Variants in FHOD3 observed in about 807,000 individuals in gnomAD.
FHOD3 encodes FH1/FH2 domain-containing protein 3.
A neutral mutation model predicts 173.0 loss-of-function variants in FHOD3; 90 were observed. The ratio of observed to expected loss-of-function variants is 0.52; its 90% CI spans 0.44 to 0.62. The LOEUF is 0.62. Among genes scored for constraint, FHOD3 ranks in the 20% least tolerant of loss-of-function variants. The pLI is 0.00. For missense variants in FHOD3, 1,945 were observed against 2,034.7 expected (o/e 0.96, Z 0.85); for synonymous variants, 828 against 823.0 (o/e 1.01, Z -0.10).
intron 17 of FHOD3, among the ~76,000 whole-genome samples, chr18:36,708,097 T>A (rs28578323): frequency 0.18 from 27,505 of 152,118 alleles, 2,666 homozygotes; most frequent in African/African-American, 0.23. Context: ...AAAAAAATTT[T>A]AAAAAAGCAT....
chr18:36,649,166 A>G, intron 10 of FHOD3, 150 bp from the exon 11 acceptor site: 2 of 590,024 alleles, frequency 3.4e-6, no homozygotes, highest in Admixed American at 3.2e-5. Flanking sequence ...TCTTCATTTC[A>G]GCCAGCTGGG....
At chr18:36,591,973 C>T (rs2059233069) in intron 6 of FHOD3, among the ~76,000 whole-genome samples, 1 of 152,150 alleles carries the variant, frequency 6.6e-6, no homozygotes. Flanking sequence ...AATCCCAGCA[C>T]TTTGAGAGGC....
chr18:36,329,519 C>T (rs1356321030), intron 1 of FHOD3, among the ~76,000 whole-genome samples: 2 of 152,126 alleles, frequency 1.3e-5, no homozygotes, highest in African/African-American at 2.4e-5. Context: ...AAAGGATTCT[C>T]TCAAGATGAT....
At chr18:36,555,187 A>G (rs935669295) in intron 5 of FHOD3, among the ~76,000 whole-genome samples, 1 of 152,090 alleles carries the variant, frequency 6.6e-6, no homozygotes, top group Non-Finnish European at 1.5e-5. Flanking sequence ...ATTTCCTTCT[A>G]GGTACTTCTC....
At chr18:36,440,504 T>C (rs1324467228) in intron 3 of FHOD3, among the ~76,000 whole-genome samples, 1 of 152,220 alleles carries the variant, frequency 6.6e-6, no homozygotes, top group Non-Finnish European at 1.5e-5. Context: ...TCTGCGTTGG[T>C]CAAATGAAGG....
intron 17 of FHOD3, among the ~76,000 whole-genome samples, chr18:36,700,130 C>T (rs2039501595): frequency 6.6e-6 from 1 of 152,142 alleles, no homozygotes; most frequent in South Asian, 2.1e-4. Context: ...CTCTCCAGCT[C>T]CTCTCTATCT....
intron 2 of FHOD3, among the ~76,000 whole-genome samples, chr18:36,364,010 G>A (rs1389532226): frequency 1.3e-5 from 2 of 152,120 alleles, no homozygotes; most frequent in Non-Finnish European, 2.9e-5. Context: ...AGTACAATAT[G>A]TTGATTCCAT....
chr18:36,733,746 CTT>C (rs781107952), intron 20 of FHOD3, among the ~76,000 whole-genome samples: 18 of 152,198 alleles, frequency 1.2e-4, no homozygotes, highest in Non-Finnish European at 2.2e-4. Context: ...CCAAATCTGA[CTT>C]TCATAGGATT....
intron 9 of FHOD3, among the ~76,000 whole-genome samples, chr18:36,619,833 G>C (rs536816338): frequency 6.6e-6 from 1 of 152,328 alleles, no homozygotes; most frequent in African/African-American, 2.4e-5. Context: ...CCAGAAAGAG[G>C]GGCAGCAGCA....
At position 36,657,968 on chromosome 18, in the gene FHOD3, G is replaced by T. The variant is rs552242791; in HGVS notation, c.1722-107G>T. 9.1e-6 allele frequency: 7 copies of T among 773,226 alleles called. No homozygotes were observed. In the African/African-American group the frequency reaches 1.1e-4, roughly 12 times the overall value. 47.9% of individuals were successfully genotyped at this position (773,226 alleles called of 1,614,324 possible). On this transcript the variant is annotated intron_variant, in intron 13 of 28. Coordinates refer to ENST00000590592, the MANE Select transcript of FHOD3 (RefSeq NM_001281740.3). The stretch of plus-strand genomic sequence containing the variant: ...ACCACTAACAGTGGTAGCATTTCCA[G>T]ACCTGTTTCTCTTGCAAAAATTAAA...
intron 3 of FHOD3, among the ~76,000 whole-genome samples, chr18:36,480,529 A>C (rs986271745): frequency 6.6e-6 from 1 of 152,312 alleles, no homozygotes; most frequent in South Asian, 2.1e-4. Context: ...GACATTGACA[A>C]ATATTTTAGT....
intron 2 of FHOD3, among the ~76,000 whole-genome samples, chr18:36,357,045 G>A (rs763054472): frequency 6.6e-6 from 1 of 152,124 alleles, no homozygotes; most frequent in African/African-American, 2.4e-5. Flanking sequence ...ATCTTAATCT[G>A]TTGTCCAGGA....
intron 3 of FHOD3, among the ~76,000 whole-genome samples, chr18:36,384,241 G>A (rs767239332): frequency 8.6e-4 from 131 of 152,164 alleles, no homozygotes; most frequent in Non-Finnish European, 1.6e-3. Flanking sequence ...TTAGCCGGGC[G>A]TGGTGGTGGG....
chr18:36,399,972 C>T (rs1050369981), intron 3 of FHOD3, among the ~76,000 whole-genome samples: 6 of 152,152 alleles, frequency 3.9e-5, no homozygotes, highest in African/African-American at 1.4e-4. Flanking sequence ...CCTTCATTCA[C>T]TGGGTGAAAA....
At chr18:36,425,021 A>C (rs1159888971) in intron 3 of FHOD3, among the ~76,000 whole-genome samples, 1 of 152,234 alleles carries the variant, frequency 6.6e-6, no homozygotes, top group Non-Finnish European at 1.5e-5. Context: ...GATAAGCCAA[A>C]GAGAAGCCAT....
chr18:36,361,894 T>C lies in FHOD3; in HGVS notation c.272+6249T>C, dbSNP rs951584269. On this transcript the variant is annotated intron_variant, in intron 2 of 28. Transcript: ENST00000590592. ...AGAGGTGATTTTCAAAGCTTCCAGG[T>C]GATTTCAGTGTGCAGTCAAAGTTGA... 2.0e-5 allele frequency among the ~76,000 whole-genome samples: 3 copies of C among 152,050 alleles called. No homozygotes were observed. In the East Asian group the frequency reaches 5.8e-4, roughly 29 times the overall value.
At chr18:36,669,588 T>A (rs1405108679) in intron 14 of FHOD3, among the ~76,000 whole-genome samples, 2 of 151,968 alleles carry the variant, frequency 1.3e-5, no homozygotes, top group Non-Finnish European at 2.9e-5. Context: ...GGGTTTATAG[T>A]ATACATTTTA....
chr18:36,736,558 C>T (rs2041642903), intron 20 of FHOD3, among the ~76,000 whole-genome samples: 1 of 152,214 alleles, frequency 6.6e-6, no homozygotes, highest in African/African-American at 2.4e-5. Flanking sequence ...CCCCCAGAGT[C>T]TGGCCATCCC....
At chr18:36,334,100 A>C (rs952627145) in intron 1 of FHOD3, among the ~76,000 whole-genome samples, 5 of 152,212 alleles carry the variant, frequency 3.3e-5, no homozygotes, top group Admixed American at 2.6e-4. Context: ...CATCAGCAGC[A>C]CTGGGCTCTT....
Sources: gnomAD v4.1 joint callset for allele counts (sites outside exome capture counted in the v4.1 genomes callset) on GRCh38, gnomAD v4.1.1 for gene constraint, MANE v1.5 for transcripts, NCBI Gene and HGNC (gene_info 2026-07-23, HGNC 2026-07-21) for gene names.